The following ERP44 variants were observed in gnomAD, a reference collection of about 807,000 sequenced individuals.
ERP44 encodes the protein endoplasmic reticulum resident protein 44.
Under a neutral mutation model 53.4 loss-of-function variants are expected in ERP44, and 25 were observed. That is an observed-to-expected ratio of 0.47 (90% CI 0.34 to 0.65). The LOEUF is 0.65. Ranked by LOEUF, ERP44 falls within the 30% of genes least tolerant of loss-of-function variation. The pLI is 0.01. For missense variants in ERP44, 338 were observed against 493.2 expected, an observed-to-expected ratio of 0.69 and a Z score of 2.98; for synonymous variants, 145 against 161.2, an observed-to-expected ratio of 0.90 and a Z score of 0.76.
In ERP44 at chr9:100,080,902, A is replaced by G. The variant is rs1826414895; in HGVS notation, c.57+17882T>C. ...CCAGTATGTAGAATGACACACATTGAGGAATATAAGATTTAATTATAGTGA... is the reference window on the plus strand; with the variant it reads ...CCAGTATGTAGAATGACACACATTGGGGAATATAAGATTTAATTATAGTGA... On this transcript the variant is annotated intron_variant, in intron 1 of 11. Transcript: ENST00000262455. Among the ~76,000 whole-genome samples the G allele has an allele frequency of 3.3e-5, 5 of 152,314 alleles. No individual in the cohort carries two copies. The South Asian group carries it at 1.0e-3, about 32-fold the overall frequency.
intron 1 of ERP44, among the ~76,000 whole-genome samples, chr9:100,069,463 T>C (rs1280826423): frequency 6.6e-6 from 1 of 152,112 alleles, no homozygotes; most frequent in Non-Finnish European, 1.5e-5. Context: ...TACAAAGATA[T>C]TTACTAAGGC....
intron 1 of ERP44, among the ~76,000 whole-genome samples, chr9:100,076,626 T>C (rs2118741863): frequency 6.6e-6 from 1 of 152,336 alleles, no homozygotes; most frequent in African/African-American, 2.4e-5. Flanking sequence ...GATTATATAC[T>C]GATTCATGGG....
chr9:100,084,688 A>T (rs978512170), intron 1 of ERP44, among the ~76,000 whole-genome samples: 5 of 152,262 alleles, frequency 3.3e-5, no homozygotes, highest in African/African-American at 1.2e-4. Flanking sequence ...TTTTTACAAT[A>T]TTCCAGAATA....
chr9:100,048,668 G>A (rs146944479), intron 4 of ERP44, among the ~76,000 whole-genome samples: 40 of 152,252 alleles, frequency 2.6e-4, no homozygotes, highest in African/African-American at 9.2e-4. Flanking sequence ...TACATACCAC[G>A]AAATATTATT....
rs1825783905 is a variant in ERP44, at chr9:100,031,192, A to G, written c.287-8966T>C. The stretch of plus-strand genomic sequence containing the variant: ...TACAGACTTTGCTGCAAGTACCTGA[A>G]AAAAAAAAATGCTGAAGTTTCCTTC... On this transcript the variant is annotated intron_variant, in intron 4 of 11. Transcript: ENST00000262455. 1.6e-4 allele frequency among the ~76,000 whole-genome samples: 3 copies of G among 18,266 alleles called. No homozygotes were observed. The Admixed American group carries it at 2.1e-3, about 13-fold the overall frequency. 12.0% of individuals were successfully genotyped at this position (18,266 alleles called of 152,430 possible).
At chr9:100,081,336 A>G (rs547165146) in intron 1 of ERP44, among the ~76,000 whole-genome samples, 1 of 152,296 alleles carries the variant, frequency 6.6e-6, no homozygotes, top group African/African-American at 2.4e-5. Context: ...AGACAAAAAG[A>G]AAAGGGCTCT....
rs1324665647 is a variant in ERP44 at position 100,068,252 on chromosome 9, G to C, written c.58-8080C>G. Among the ~76,000 whole-genome samples the C allele has an allele frequency of 4.8e-5, 7 of 145,804 alleles. No individual in the cohort carries two copies. In the East Asian group the frequency reaches 1.5e-3, roughly 31 times the overall value. On this transcript the variant is annotated intron_variant, in intron 1 of 11. Transcript: ENST00000262455. ...GCCAGCCGCCCCGTACGGAAGGTGAGGGGCGCCTCTGCCCAGCCGCCCCTA... is the reference window on the plus strand; with the variant it reads ...GCCAGCCGCCCCGTACGGAAGGTGACGGGCGCCTCTGCCCAGCCGCCCCTA...
At chr9:100,020,559 G>A in intron 6 of ERP44, 57 bp downstream of exon 6, 1 of 843,144 alleles carries the variant, frequency 1.2e-6, no homozygotes, top group Non-Finnish European at 2.0e-6. Context: ...AAATACAACA[G>A]CAATTTAACA....
intron 4 of ERP44, among the ~76,000 whole-genome samples, chr9:100,046,330 C>T (rs184188384): frequency 3.9e-5 from 6 of 151,946 alleles, no homozygotes; most frequent in Non-Finnish European, 5.9e-5. Flanking sequence ...ACAACAACAA[C>T]AAAAAGATAT....
chr9:100,015,427 CTT>C (rs1830517134), intron 8 of ERP44, among the ~76,000 whole-genome samples: 1 of 152,166 alleles, frequency 6.6e-6, no homozygotes, highest in African/African-American at 2.4e-5. Flanking sequence ...AGACATAACT[CTT>C]TGTACTTGTT....
At chr9:100,092,756 A>T (rs1165332363) in intron 1 of ERP44, among the ~76,000 whole-genome samples, 1 of 152,250 alleles carries the variant, frequency 6.6e-6, no homozygotes, top group Non-Finnish European at 1.5e-5. Flanking sequence ...ATATGAAAAA[A>T]ATTCAACTTT....
chr9:100,001,466 T>TAATAGTATAC (rs1476057276), intron 10 of ERP44, among the ~76,000 whole-genome samples: 1 of 152,210 alleles, frequency 6.6e-6, no homozygotes, highest in Admixed American at 6.5e-5. Context: ...TACTGTATTA[T>TAATAGTATAC]AGTCTCCTTT....
intron 4 of ERP44, among the ~76,000 whole-genome samples, chr9:100,037,000 A>G (rs1396372783): frequency 2.6e-5 from 4 of 152,186 alleles, no homozygotes; most frequent in Non-Finnish European, 5.9e-5. Flanking sequence ...TATCTACACA[A>G]AACAAGCACC....
At chr9:99,990,305 C>G (rs947608308) in intron 10 of ERP44, among the ~76,000 whole-genome samples, 2 of 152,232 alleles carry the variant, frequency 1.3e-5, no homozygotes, top group Non-Finnish European at 1.5e-5. Flanking sequence ...ATCAGACTAA[C>G]AGCGGATATC....
intron 11 of ERP44, 73 bp from the exon 12 acceptor site, chr9:99,982,786 C>A: frequency 3.7e-6 from 3 of 801,284 alleles, no homozygotes; most frequent in South Asian, 2.5e-5. Context: ...TAAGTGTATT[C>A]GATGAATAGT....
Position 100,071,613 on chromosome 9 carries a change from C to G in ERP44, c.58-11441G>C, listed in dbSNP as rs552751070. On this transcript the variant is annotated intron_variant, in intron 1 of 11. Coordinates refer to ENST00000262455, the MANE Select transcript of ERP44 (RefSeq NM_015051.3). The stretch of plus-strand genomic sequence containing the variant: ...ATATATCCAAAGTATTAATCCACTA[C>G]TGACTTTAAAGATCTGTATTTTTTG... Among the ~76,000 whole-genome samples the G allele has an allele frequency of 1.1e-4, 17 of 152,212 alleles. No individual in the cohort carries two copies. In the East Asian group the frequency reaches 3.3e-3, roughly 29 times the overall value.
At chr9:100,093,611 C>G (rs570785764) in intron 1 of ERP44, among the ~76,000 whole-genome samples, 23 of 152,150 alleles carry the variant, frequency 1.5e-4, no homozygotes, top group African/African-American at 5.5e-4. Context: ...CCACTGCACT[C>G]CAGCCTGGGC....
chr9:99,983,551 CAAAAAAAAAAAAA>C (rs59132233), intron 11 of ERP44, among the ~76,000 whole-genome samples: 1 of 66,974 alleles, frequency 1.5e-5, no homozygotes, highest in Non-Finnish European at 2.7e-5. Flanking sequence ...GACTCCGTCT[CAAAAAAAAAAAAA>C]AAAAAAAAAA....
chr9:100,072,796 CA>C (rs1826320433), intron 1 of ERP44, among the ~76,000 whole-genome samples: 5 of 152,082 alleles, frequency 3.3e-5, no homozygotes, highest in Admixed American at 3.3e-4. Flanking sequence ...GCTGGGATTA[CA>C]AAAAGTTCTC....
Sources: allele counts gnomAD v4.1 joint callset (sites outside exome capture counted in the v4.1 genomes callset), GRCh38; gene constraint gnomAD v4.1.1; transcripts MANE v1.5; gene names NCBI Gene and HGNC (gene_info 2026-07-23, HGNC 2026-07-21).